Variants in TNS3 observed in about 807,000 individuals in gnomAD.
TNS3 encodes tensin-3.
In TNS3, 45 loss-of-function variants were observed where a neutral mutation model predicts 140.9. The observed-to-expected ratio is 0.32, with a 90% CI of 0.25 to 0.41. The LOEUF (loss-of-function observed/expected upper bound fraction) is 0.41. Among genes scored for constraint, TNS3 ranks in the 10% least tolerant of loss-of-function variants. The probability of loss-of-function intolerance (pLI) is 1.00; values close to 1 mark genes in which losing one functional copy is unlikely to be tolerated. For synonymous variants in TNS3, 815 were observed against 788.4 expected (o/e 1.03, Z -0.56); for missense variants, 1,716 against 1,906.7 (o/e 0.90, Z 1.86).
intron 20 of TNS3, among the ~76,000 whole-genome samples, chr7:47,313,711 C>G (rs1787236334): frequency 6.6e-6 from 1 of 152,190 alleles, no homozygotes; most frequent in Admixed American, 6.5e-5. Flanking sequence ...CATGCCATGA[C>G]TCAGAAGCCC....
At chr7:47,576,446 G>A (rs553074126) in intron 1 of TNS3, among the ~76,000 whole-genome samples, 10 of 152,338 alleles carry the variant, frequency 6.6e-5, no homozygotes, top group Non-Finnish European at 1.5e-4. Flanking sequence ...TCTGCCCCAG[G>A]TTTGTGGGAT....
At chr7:47,424,068 C>T (rs1353169996) in intron 10 of TNS3, 33 bp downstream of exon 10, 10 of 1,604,186 alleles carry the variant, frequency 6.2e-6, no homozygotes, top group East Asian at 4.5e-5. Flanking sequence ...TTTCATTCAC[C>T]TCTTCACTCT....
At chr7:47,402,346 A>G (rs1478085417) in intron 13 of TNS3, among the ~76,000 whole-genome samples, 1 of 152,168 alleles carries the variant, frequency 6.6e-6, no homozygotes, top group Non-Finnish European at 1.5e-5. Context: ...TGGGGCTCAG[A>G]CTCAGGCCTG....
chr7:47,388,821 T>C (rs1343026643), intron 16 of TNS3, among the ~76,000 whole-genome samples: 1 of 151,376 alleles, frequency 6.6e-6, no homozygotes, highest in East Asian at 1.9e-4. Context: ...GAGCCAAGAT[T>C]GGGCAGCTGC....
chr7:47,446,866 T>TG (rs1190029274), intron 4 of TNS3, among the ~76,000 whole-genome samples: 21 of 50,116 alleles, frequency 4.2e-4, no homozygotes, highest in South Asian at 1.6e-3. Flanking sequence ...CTAATTTTTG[T>TG]TTTTTTTTTG....
chr7:47,368,231 G>A, intron 17 of TNS3, 134 bp downstream of exon 17: 1 of 984,030 alleles, frequency 1.0e-6, no homozygotes, highest in East Asian at 2.9e-5. Flanking sequence ...ATTCACAAGA[G>A]TTGAAACTGC....
At chr7:47,282,484 T>A (rs1208521222) in intron 28 of TNS3, among the ~76,000 whole-genome samples, 1 of 149,100 alleles carries the variant, frequency 6.7e-6, no homozygotes, top group Non-Finnish European at 1.5e-5. Context: ...GCCTTGCCTG[T>A]GACCCTGACC....
At chr7:47,293,674 A>T (rs1785839415) in intron 25 of TNS3, 59 bp downstream of exon 25, 2 of 1,476,658 alleles carry the variant, frequency 1.4e-6, no homozygotes, top group African/African-American at 1.4e-5. Flanking sequence ...GTTGGTGAGC[A>T]GAGGGAATCC....
At chr7:47,526,565 A>T (rs920076786) in intron 2 of TNS3, among the ~76,000 whole-genome samples, 8 of 152,252 alleles carry the variant, frequency 5.3e-5, no homozygotes, top group Non-Finnish European at 1.2e-4. Context: ...GGGCAGGGCC[A>T]GGACCCAGCT....
At chr7:47,449,557 T>C (rs567912252) in intron 4 of TNS3, among the ~76,000 whole-genome samples, 12 of 152,372 alleles carry the variant, frequency 7.9e-5, no homozygotes, top group African/African-American at 2.4e-4. Context: ...CTGATCTCCC[T>C]ACCCGACCTG....
At chr7:47,511,880 C>T (rs542353665) in intron 2 of TNS3, among the ~76,000 whole-genome samples, 1 of 152,350 alleles carries the variant, frequency 6.6e-6, no homozygotes, top group Admixed American at 6.5e-5. Context: ...GCACCTCCCC[C>T]TGCAGAAGAC....
rs556042212 is a variant in TNS3 at position 47,480,241 on chromosome 7, C to A, written c.-76+862G>T. 5.3e-5 allele frequency among the ~76,000 whole-genome samples: 8 copies of A among 152,356 alleles called. No homozygotes were observed. The Middle Eastern group carries it at 0.01, about 194-fold the overall frequency. On this transcript the variant is annotated intron_variant, in intron 4 of 30. Coordinates refer to ENST00000311160, the MANE Select transcript of TNS3 (RefSeq NM_022748.12). Reference sequence around the variant, plus strand: ...GCTAGGGGGAGCCAAGAGCAGAAAGCCCTGCCCTACTTGAGAAGTACAGGG... The same window carrying A: ...GCTAGGGGGAGCCAAGAGCAGAAAGACCTGCCCTACTTGAGAAGTACAGGG...
chr7:47,539,212 A>C (rs552092050), intron 1 of TNS3: 104 of 451,058 alleles, frequency 2.3e-4, no homozygotes, highest in African/African-American at 1.9e-3. Context: ...GGCCAGGAGC[A>C]CAGGCCAGCC....
At chr7:47,526,468 C>A (rs1321565843) in intron 2 of TNS3, among the ~76,000 whole-genome samples, 1 of 152,256 alleles carries the variant, frequency 6.6e-6, no homozygotes, top group Non-Finnish European at 1.5e-5. Context: ...ACAACGCTGG[C>A]TGTGCACTTT....
At chr7:47,398,366 A>C (rs986158937) in intron 15 of TNS3, among the ~76,000 whole-genome samples, 2 of 152,010 alleles carry the variant, frequency 1.3e-5, no homozygotes, top group African/African-American at 2.4e-5. Context: ...ACAAACAAAC[A>C]AACAAAAAAG....
At chr7:47,518,258 G>C (rs978011535) in intron 2 of TNS3, among the ~76,000 whole-genome samples, 1 of 152,192 alleles carries the variant, frequency 6.6e-6, no homozygotes, top group Admixed American at 6.5e-5. Flanking sequence ...ATTCGAGACA[G>C]AGCAGCCCTC....
intron 20 of TNS3, among the ~76,000 whole-genome samples, chr7:47,331,669 T>C (rs17172852): frequency 0.02 from 3,014 of 152,354 alleles, 102 homozygotes; most frequent in African/African-American, 0.069. Context: ...CAGGATTTTT[T>C]GTAAACTTGT....
intron 17 of TNS3, among the ~76,000 whole-genome samples, chr7:47,361,050 G>A (rs1006057810): frequency 6.6e-6 from 1 of 151,540 alleles, no homozygotes; most frequent in South Asian, 2.1e-4. Flanking sequence ...CCTCCCTCCT[G>A]AGATTCTTCC....
At chr7:47,299,711 C>A (rs1024921411) in intron 23 of TNS3, among the ~76,000 whole-genome samples, 1 of 152,154 alleles carries the variant, frequency 6.6e-6, no homozygotes, top group African/African-American at 2.4e-5. Context: ...CCTGCACAGG[C>A]AATGGGAGTA....
Sources: gnomAD v4.1 joint callset for allele counts (sites outside exome capture counted in the v4.1 genomes callset) on GRCh38, gnomAD v4.1.1 for gene constraint, MANE v1.5 for transcripts, NCBI Gene and HGNC (gene_info 2026-07-23, HGNC 2026-07-21) for gene names.